Variants in ADGB observed in about 807,000 individuals in gnomAD.
The protein encoded by ADGB is calpain-7-like protein.
A neutral mutation model predicts 210.5 loss-of-function variants in ADGB; 172 were observed. The ratio of observed to expected loss-of-function variants is 0.82; its 90% confidence interval spans 0.72 to 0.93. The LOEUF is 0.93. Among genes scored for constraint, ADGB ranks in the 40% least tolerant of loss-of-function variants. The pLI is 0.00. For missense variants in ADGB, 2,025 were observed against 1,964.8 expected, an observed-to-expected ratio of 1.03 and a Z score of -0.58; for synonymous variants, 658 against 662.7, an observed-to-expected ratio of 0.99 and a Z score of 0.11.
At chr6:146,603,183 A>G (rs1780584643) in intron 1 of ADGB, among the ~76,000 whole-genome samples, 1 of 152,238 alleles carries the variant, frequency 6.6e-6, no homozygotes, top group South Asian at 2.1e-4. Context: ...AATCTGTAAT[A>G]TAAACTAATA....
intron 35 of ADGB, chr6:146,802,589 G>A: frequency 1.9e-6 from 1 of 523,060 alleles, no homozygotes; most frequent in Non-Finnish European, 3.4e-6. Context: ...CAATGAAATT[G>A]AAGCTGCTCC....
At chr6:146,795,864 A>T (rs1778033114) in intron 33 of ADGB, among the ~76,000 whole-genome samples, 1 of 152,204 alleles carries the variant, frequency 6.6e-6, no homozygotes, top group Non-Finnish European at 1.5e-5. Context: ...TCAGTGACAG[A>T]TGGGATAAAG....
intron 1 of ADGB, among the ~76,000 whole-genome samples, chr6:146,626,929 G>GCT: frequency 6.6e-6 from 1 of 151,616 alleles, no homozygotes; most frequent in South Asian, 2.1e-4. Context: ...ATGTACTGAT[G>GCT]CTCTGCTTAT....
intron 2 of ADGB, among the ~76,000 whole-genome samples, chr6:146,637,878 A>G (rs1193491950): frequency 6.6e-6 from 1 of 151,960 alleles, no homozygotes; most frequent in East Asian, 1.9e-4. Flanking sequence ...CTCCTCCCCA[A>G]CTCATTCCAT....
At chr6:146,606,679 A>G (rs1285288763) in intron 1 of ADGB, among the ~76,000 whole-genome samples, 2 of 152,108 alleles carry the variant, frequency 1.3e-5, no homozygotes, top group East Asian at 1.9e-4. Context: ...ATTGCTTGTT[A>G]TTGTTGACTT....
At chr6:146,778,666 C>T (rs1425988468) in intron 29 of ADGB, among the ~76,000 whole-genome samples, 3 of 152,152 alleles carry the variant, frequency 2.0e-5, no homozygotes, top group African/African-American at 7.2e-5. Context: ...AAGAGCTGAA[C>T]TGCTTAGAGT....
intron 32 of ADGB, 141 bp downstream of exon 32, chr6:146,785,853 A>G: frequency 1.6e-6 from 1 of 638,728 alleles, no homozygotes; most frequent in Non-Finnish European, 2.7e-6. Context: ...AAAGTCGCAC[A>G]ATTTCAGATA....
rs1270472920 is a variant in ADGB at position 146,599,071 on chromosome 6, G to GTGCATC, written c.32_37dup (p.His12_Arg13insLeuHis). 1 of 1,551,706 alleles carries GTGCATC rather than the reference G, an allele frequency of 6.4e-7. No individual in the cohort carries two copies. Among genetic ancestry groups the GTGCATC allele is most frequent in the Non-Finnish European group, 8.7e-7 (1 of 1,146,996 alleles). ...CTCCAAACAAACCAAAAAGAAAGAG[G>GTGCATC]TGCATCGTATCAACTCGGCGCACGG... is the stretch of plus-strand genomic sequence containing the variant. On this transcript the variant is annotated inframe_insertion, in exon 1 of 36. Transcript: ENST00000397944.
At chr6:146,718,357 A>G (rs1776766399) in intron 16 of ADGB, among the ~76,000 whole-genome samples, 1 of 151,388 alleles carries the variant, frequency 6.6e-6, no homozygotes, top group Admixed American at 6.6e-5. Context: ...AAAAAAAAAA[A>G]AAAAAAAAAA....
intron 26 of ADGB, among the ~76,000 whole-genome samples, chr6:146,751,311 C>A (rs539014432): frequency 6.6e-6 from 1 of 152,226 alleles, no homozygotes; most frequent in South Asian, 2.1e-4. Context: ...GACATGATCT[C>A]ATTCCTTTTT....
At chr6:146,791,365 G>T (rs1777952930) in intron 33 of ADGB, among the ~76,000 whole-genome samples, 1 of 151,912 alleles carries the variant, frequency 6.6e-6, no homozygotes, top group Non-Finnish European at 1.5e-5. Context: ...GATCATTTTT[G>T]GTTTTTGTTT....
At chr6:146,643,335 C>A (rs1037073388) in intron 2 of ADGB, among the ~76,000 whole-genome samples, 15 of 151,852 alleles carry the variant, frequency 9.9e-5, no homozygotes, top group Admixed American at 5.9e-4. Context: ...AGGGTAAAAA[C>A]GTGATTACTG....
At chr6:146,783,881 ATGT>A (rs1269635414) in intron 30 of ADGB, among the ~76,000 whole-genome samples, 1 of 152,174 alleles carries the variant, frequency 6.6e-6, no homozygotes, top group East Asian at 1.9e-4. Context: ...AGACATTAAA[ATGT>A]TGTTAATTTT....
chr6:146,691,296 T>C lies in ADGB; in HGVS notation c.1486+6T>C. The C allele has an allele frequency of 6.5e-7, 1 of 1,533,198 alleles. No homozygotes were observed. Among genetic ancestry groups the C allele is most frequent in the Non-Finnish European group, 8.8e-7 (1 of 1,140,512 alleles). The allele number at this position is 1,533,198 out of a possible 1,614,324, so 95.0% of individuals were successfully genotyped here. On this transcript the variant is annotated splice_donor_region_variant and intron_variant, in intron 11 of 35. Transcript: ENST00000397944. The stretch of plus-strand genomic sequence containing the variant: ...TATAACAGATGAAGCTCAAGGTATG[T>C]ATCACATCATCTTCAAATCCTTCTA...
chr6:146,734,964 G>GT (rs1381394946), intron 22 of ADGB, among the ~76,000 whole-genome samples: 1 of 151,814 alleles, frequency 6.6e-6, no homozygotes, highest in African/African-American at 2.4e-5. Context: ...TCATTCTGTG[G>GT]TTTTTGCTGA....
chr6:146,707,199 G>A (rs1235291122), intron 13 of ADGB, among the ~76,000 whole-genome samples: 1 of 152,086 alleles, frequency 6.6e-6, no homozygotes, highest in South Asian at 2.1e-4. Context: ...GTTATAAAAG[G>A]TAGTTATATG....
chr6:146,815,050 C>T lies in ADGB; in HGVS notation c.4837C>T (p.Arg1613Ter), dbSNP rs1456473473. The T allele has an allele frequency of 5.2e-6, 8 of 1,544,398 alleles. No individual in the cohort carries two copies. Among genetic ancestry groups the T allele is most frequent in the South Asian group, 1.2e-5 (1 of 82,708 alleles). The change falls in exon 36 of 36, where the codon CGA (arginine) becomes TGA (stop). Residue 1613 changes from arginine (R) to a stop codon, truncating the protein, a stop_gained. Coordinates refer to ENST00000397944, the MANE Select transcript of ADGB (RefSeq NM_024694.4). LOFTEE classifies it low-confidence loss of function (END_TRUNC). ...KEMQDSLDEA[R>*]QKIFDIREEY... is the part of the protein sequence containing the mutation. The stretch of plus-strand genomic sequence containing the variant: ...GGAACAGGACTCCTTAGATGAAGCC[C>T]GACAGAAAATTTTCGACATCCGGGA...
Position 146,736,610 on chromosome 6 carries a change from A to C in ADGB, c.2888+19A>C, listed in dbSNP as rs1384794809. On this transcript the variant is annotated intron_variant, in intron 23 of 35. Coordinates refer to ENST00000397944, the MANE Select transcript of ADGB (RefSeq NM_024694.4). ...TCTTAAGGTAAAGCAGTCAAATGAT[A>C]TTTTTATTGCAGTATATTGTCCTTT... 6.7e-7 allele frequency: 1 copy of C among 1,485,872 alleles called. No individual in the cohort carries two copies. The highest frequency in any genetic ancestry group is 1.4e-5 in the African/African-American group (1 of 70,924). The allele number at this position is 1,485,872 out of a possible 1,614,324, so 92.0% of individuals were successfully genotyped here. A position where few individuals can be genotyped will look rare whatever the true frequency, so the allele number is the denominator to read the frequency against.
At chr6:146,647,115 A>AAAAAAAAAAAAC (rs1562263814) in intron 3 of ADGB, among the ~76,000 whole-genome samples, 1 of 147,928 alleles carries the variant, frequency 6.8e-6, no homozygotes, top group African/African-American at 2.6e-5. Context: ...CAAAAAACAA[A>AAAAAAAAAAAAC]AAACAAACAA....
Sources: allele counts gnomAD v4.1 joint callset (sites outside exome capture counted in the v4.1 genomes callset), GRCh38; gene constraint gnomAD v4.1.1; transcripts MANE v1.5; gene names NCBI Gene and HGNC (gene_info 2026-07-23, HGNC 2026-07-21).